Variants in PARD3 observed in about 807,000 individuals in gnomAD.
The protein encoded by PARD3 is partitioning defective 3 homolog.
PARD3 carries 75 observed loss-of-function variants against 155.4 expected under a neutral mutation model. The ratio of observed to expected loss-of-function variants is 0.48; its 90% CI spans 0.40 to 0.58. PARD3 has a LOEUF of 0.58. Ranked by LOEUF, PARD3 falls within the 20% of genes least tolerant of loss-of-function variation. The pLI is 0.00. For missense variants in PARD3, 1,642 were observed against 1,721.7 expected (o/e 0.95, Z 0.82); for synonymous variants, 576 against 610.5 (o/e 0.94, Z 0.83).
chr10:34,247,981 T>C (rs1954066830), intron 22 of PARD3, among the ~76,000 whole-genome samples: 1 of 152,238 alleles, frequency 6.6e-6, no homozygotes, highest in Admixed American at 6.5e-5. Context: ...ACGGGAGTCC[T>C]ACACATTTTT....
intron 2 of PARD3, among the ~76,000 whole-genome samples, chr10:34,629,474 CG>C (rs1338228246): frequency 6.6e-6 from 1 of 152,130 alleles, no homozygotes; most frequent in Non-Finnish European, 1.5e-5. Context: ...CACATACACA[CG>C]TTAAGGTCAA....
At chr10:34,411,381 A>G (rs917020543) in intron 5 of PARD3, among the ~76,000 whole-genome samples, 15 of 152,154 alleles carry the variant, frequency 9.9e-5, no homozygotes, top group African/African-American at 3.6e-4. Flanking sequence ...GGTGTTTTTG[A>G]AAGAGATTAA....
rs373179223 is a variant in PARD3 at position 34,605,506 on chromosome 10, A to AATAT, written c.223-88351_223-88348dup. 1.1e-3 allele frequency among the ~76,000 whole-genome samples: 108 copies of AATAT among 101,826 alleles called. 14 individuals carry two copies. The highest frequency in any genetic ancestry group is 5.3e-3 in the African/African-American group (99 of 18,754). The allele number at this position is 101,826 out of a possible 152,430, so 66.8% of individuals were successfully genotyped here. A position where few individuals can be genotyped will look rare whatever the true frequency, so the allele number is the denominator to read the frequency against. On this transcript the variant is annotated intron_variant, in intron 2 of 24. Transcript: ENST00000374788. ...CTGTGCCCTGCCAAAAATACTCTTA[A>AATAT]ATATATATATATATCTCCTATATAT...
chr10:34,598,518 T>C (rs1165443240), intron 2 of PARD3, among the ~76,000 whole-genome samples: 4 of 152,116 alleles, frequency 2.6e-5, no homozygotes, highest in Admixed American at 6.5e-5. Flanking sequence ...CTCTTGACAA[T>C]ATGAGAATGA....
intron 2 of PARD3, among the ~76,000 whole-genome samples, chr10:34,527,907 G>A (rs923794025): frequency 5.3e-5 from 8 of 152,074 alleles, no homozygotes; most frequent in African/African-American, 1.7e-4. Flanking sequence ...GAGAGATAAC[G>A]GTGTCCTTGA....
chr10:34,734,299 A>ACATATAACAAATAT (rs1344466263), intron 1 of PARD3, among the ~76,000 whole-genome samples: 1 of 147,496 alleles, frequency 6.8e-6, no homozygotes, highest in Non-Finnish European at 1.5e-5. Context: ...TGAAGATTAC[A>ACATATAACAAATAT]CATATAACAA....
intron 12 of PARD3, among the ~76,000 whole-genome samples, 183 bp downstream of exon 12, chr10:34,372,315 C>G (rs1207473522): frequency 2.6e-5 from 4 of 152,080 alleles, no homozygotes; most frequent in Non-Finnish European, 5.9e-5. Flanking sequence ...AAAATATACT[C>G]CATTTGGGGT....
intron 2 of PARD3, among the ~76,000 whole-genome samples, chr10:34,683,834 T>C (rs542186865): frequency 1.3e-5 from 2 of 152,276 alleles, no homozygotes; most frequent in African/African-American, 4.8e-5. Context: ...ACCTGTACCA[T>C]ATCTGGGCCC....
At chr10:34,196,134 T>C (rs1950921759) in intron 22 of PARD3, among the ~76,000 whole-genome samples, 1 of 152,206 alleles carries the variant, frequency 6.6e-6, no homozygotes, top group Non-Finnish European at 1.5e-5. Flanking sequence ...TTTAATCAAT[T>C]CTGTTGCTGG....
intron 22 of PARD3, among the ~76,000 whole-genome samples, chr10:34,167,319 C>G (rs146508506): frequency 6.6e-6 from 1 of 152,084 alleles, no homozygotes; most frequent in Non-Finnish European, 1.5e-5. Context: ...ACGGGTCTGC[C>G]GGCATGTGCA....
chr10:34,658,309 T>C (rs1418640155), intron 2 of PARD3, among the ~76,000 whole-genome samples: 1 of 152,200 alleles, frequency 6.6e-6, no homozygotes, highest in Non-Finnish European at 1.5e-5. Flanking sequence ...ATTTGCTGAA[T>C]TCTGAATATC....
At chr10:34,265,353 A>G (rs1955248264) in intron 22 of PARD3, among the ~76,000 whole-genome samples, 1 of 152,208 alleles carries the variant, frequency 6.6e-6, no homozygotes, top group South Asian at 2.1e-4. Flanking sequence ...TTAATAAATC[A>G]TCCCTGGCTG....
intron 11 of PARD3, 150 bp downstream of exon 11, chr10:34,374,724 A>G: frequency 1.3e-6 from 1 of 753,014 alleles, no homozygotes; most frequent in Non-Finnish European, 2.2e-6. Flanking sequence ...ATTAGAGAAA[A>G]GAATGTTTGT....
At chr10:34,376,367 A>T (rs1216773142) in intron 10 of PARD3, among the ~76,000 whole-genome samples, 1 of 152,224 alleles carries the variant, frequency 6.6e-6, no homozygotes, top group African/African-American at 2.4e-5. Context: ...GTGACTCAAT[A>T]ATAAAGCAAT....
At chr10:34,413,066 T>C (rs1186158749) in intron 5 of PARD3, among the ~76,000 whole-genome samples, 3 of 151,592 alleles carry the variant, frequency 2.0e-5, no homozygotes, top group African/African-American at 7.3e-5. Context: ...CTCCAAATAA[T>C]AGACTAGGGT....
chr10:34,161,998 G>A (rs2133053238), intron 22 of PARD3, among the ~76,000 whole-genome samples: 1 of 152,326 alleles, frequency 6.6e-6, no homozygotes, highest in African/African-American at 2.4e-5. Flanking sequence ...AAATATGAAT[G>A]AAACATAGTC....
At chr10:34,507,550 A>AAAAAAAAAAAACG (rs2081156430) in intron 3 of PARD3, among the ~76,000 whole-genome samples, 1 of 129,226 alleles carries the variant, frequency 7.7e-6, no homozygotes, top group African/African-American at 3.6e-5. Context: ...TAAAAAAACA[A>AAAAAAAAAAAACG]AAAAAAAAAA....
At chr10:34,684,355 A>C (rs760181823) in intron 2 of PARD3, among the ~76,000 whole-genome samples, 7 of 152,206 alleles carry the variant, frequency 4.6e-5, no homozygotes, top group Non-Finnish European at 8.8e-5. Flanking sequence ...ATTGTTTTAA[A>C]CTGACTTTTC....
intron 2 of PARD3, among the ~76,000 whole-genome samples, chr10:34,526,743 G>C (rs1030208700): frequency 6.6e-6 from 1 of 152,102 alleles, no homozygotes; most frequent in Non-Finnish European, 1.5e-5. Context: ...TTAGATGCAG[G>C]GAAAGTAGGA....
Sources: allele counts gnomAD v4.1 joint callset (sites outside exome capture counted in the v4.1 genomes callset), GRCh38; gene constraint gnomAD v4.1.1; transcripts MANE v1.5; gene names NCBI Gene and HGNC (gene_info 2026-07-23, HGNC 2026-07-21).